Variants in GPA33 observed in about 807,000 individuals in gnomAD.
The protein encoded by GPA33 is glycoprotein A33, also known as cell surface A33 antigen.
GPA33 carries 27 observed loss-of-function variants against 35.6 expected under a neutral mutation model. The ratio of observed to expected loss-of-function variants is 0.76; its 90% CI spans 0.56 to 1.04. The LOEUF (loss-of-function observed/expected upper bound fraction) is 1.04. GPA33 is among the 50% of genes least tolerant of loss of function. The pLI is 0.00. For missense variants in GPA33, 428 were observed against 411.9 expected, an observed-to-expected ratio of 1.04 and a Z score of -0.34; for synonymous variants, 176 against 164.0, an observed-to-expected ratio of 1.07 and a Z score of -0.56.
intron 2 of GPA33, 81 bp downstream of exon 2, chr1:167,073,304 C>A: frequency 8.3e-7 from 1 of 1,198,986 alleles, no homozygotes; most frequent in Non-Finnish European, 1.2e-6. Context: ...TATGGAAAGA[C>A]TTCATAGTGC....
chr1:167,061,141 A>G (rs1666430173), intron 4 of GPA33, among the ~76,000 whole-genome samples: 1 of 152,252 alleles, frequency 6.6e-6, no homozygotes, highest in Admixed American at 6.5e-5. Flanking sequence ...CATACAGCTA[A>G]CAAGTGTCCG....
rs1196005778 is a variant in GPA33 at position 167,069,105 on chromosome 1, T to C, written c.232A>G (p.Asn78Asp). Reference protein sequence around the residue: ...RVVIWPFSNKNYIHGELYKNR... With the variant: ...RVVIWPFSNKDYIHGELYKNR... ...TTATAAAGCTCACCATGGATGTAGT[T>C]TTTGTTTGAAAACGGCCAGATGACC... is the stretch of plus-strand genomic sequence containing the variant. Residue 78 changes from asparagine to aspartate, a missense_variant, in exon 3 of 7, where the codon AAC (asparagine) becomes GAC (aspartate). Physicochemically the swap from Asn to Asp is conservative, Grantham distance 23 (BLOSUM62 1). Coordinates refer to ENST00000367868, the MANE Select transcript of GPA33 (RefSeq NM_005814.3). The C allele has an allele frequency of 6.2e-7, 1 of 1,613,988 alleles. No homozygotes were observed. The highest frequency in any genetic ancestry group is 1.7e-5 in the Admixed American group (1 of 60,008).
chr1:167,076,675 G>A (rs55874020), intron 1 of GPA33, among the ~76,000 whole-genome samples: 10,382 of 152,118 alleles, frequency 0.068, 801 homozygotes, highest in African/African-American at 0.19. Context: ...TATAATATCC[G>A]GGAGTATTGG....
rs1238922039 is a variant in GPA33 at position 167,052,999 on chromosome 1, T to C, written c.*1335A>G. On this transcript the variant is annotated 3_prime_UTR_variant, in exon 7 of 7. Transcript: ENST00000367868. The stretch of plus-strand genomic sequence containing the variant: ...TCCAGAAAAGATAGCAATAGTAAAC[T>C]GCAGTTGGGTGAGACCAGCCACTGG... 1.3e-5 allele frequency: 2 copies of C among 152,142 alleles called. No individual in the cohort carries two copies. The highest frequency in any genetic ancestry group is 2.9e-5 in the Non-Finnish European group (2 of 68,022). 9.4% of individuals were successfully genotyped at this position (152,142 alleles called of 1,614,324 possible). A position where few individuals can be genotyped will look rare whatever the true frequency, so the allele number is the denominator to read the frequency against.
chr1:167,068,808 G>C, intron 3 of GPA33, 114 bp downstream of exon 3: 1 of 720,864 alleles, frequency 1.4e-6, no homozygotes, highest in Non-Finnish European at 2.4e-6. Flanking sequence ...GAGGTGAGGA[G>C]TCTTAGCTCC....
At chr1:167,055,991 G>T in intron 4 of GPA33, 142 bp from the exon 5 acceptor site, 1 of 753,840 alleles carries the variant, frequency 1.3e-6, no homozygotes, top group Non-Finnish European at 2.2e-6. Flanking sequence ...CACCTCCAGG[G>T]CTGCAGGACG....
chr1:167,055,583 C>A, intron 5 of GPA33, 147 bp downstream of exon 5: 1 of 832,302 alleles, frequency 1.2e-6, no homozygotes. Context: ...CAGAGTCATC[C>A]TGCCTAGGTC....
rs966517693 is a variant in GPA33 at position 167,087,858 on chromosome 1, G to A, written c.43+2387C>T. Among the ~76,000 whole-genome samples, 8 of 150,328 alleles carry A rather than the reference G, an allele frequency of 5.3e-5. No individual in the cohort carries two copies. In the South Asian group the frequency reaches 1.7e-3, roughly 31 times the overall value. On this transcript the variant is annotated intron_variant, in intron 1 of 6. Coordinates refer to ENST00000367868, the MANE Select transcript of GPA33 (RefSeq NM_005814.3). ...TTGAACCTGGGAGGCGGAGGTTGCA[G>A]TGAGCTGAGATCACACCACTGCACT...
intron 1 of GPA33, among the ~76,000 whole-genome samples, chr1:167,076,511 C>A (rs1160715517): frequency 6.6e-6 from 1 of 152,176 alleles, no homozygotes; most frequent in African/African-American, 2.4e-5. Context: ...TGGATTAACA[C>A]ACTTCTCTTT....
rs1218370678 is a variant in GPA33 at position 167,054,358 on chromosome 1, T to C, written c.936A>G (p.Glu312=). ...RQEEQRSTGR[E]SPDHLDQ ...GTCACTGGTCGAGGTGGTCCGGGGA[T>C]TCACGCCCAGTGCTCCTCTGCTCTT... Residue 312 remains glutamate (E), a synonymous_variant, in exon 7 of 7, where the codon GAA becomes GAG. Coordinates refer to ENST00000367868, the MANE Select transcript of GPA33 (RefSeq NM_005814.3). The C allele has an allele frequency of 6.2e-7, 1 of 1,614,050 alleles. No individual in the cohort carries two copies. The highest frequency in any genetic ancestry group is 1.1e-5 in the South Asian group (1 of 91,082).
intron 1 of GPA33, chr1:167,082,392 T>G (rs757239281): frequency 1.8e-5 from 8 of 442,370 alleles, no homozygotes; most frequent in African/African-American, 4.0e-5. Flanking sequence ...GCAGCCTATT[T>G]TGTCAGGAGC....
intron 2 of GPA33, among the ~76,000 whole-genome samples, chr1:167,071,286 T>C (rs1331658884): frequency 3.3e-5 from 5 of 152,072 alleles, no homozygotes; most frequent in African/African-American, 1.2e-4. Flanking sequence ...TAATGAGAGA[T>C]GAAATAAGAT....
At position 167,073,556 on chromosome 1, in the gene GPA33, C is replaced by T. The variant is rs568864437; in HGVS notation, c.44-17G>A. The T allele has an allele frequency of 3.1e-6, 5 of 1,610,670 alleles. No individual in the cohort carries two copies. The highest frequency in any genetic ancestry group is 2.2e-5 in the South Asian group (2 of 90,638). On this transcript the variant is annotated splice_polypyrimidine_tract_variant and intron_variant, in intron 1 of 6. Coordinates refer to ENST00000367868, the MANE Select transcript of GPA33 (RefSeq NM_005814.3). Reference sequence around the variant, plus strand: ...TCACCCTGACTGGAAAGAAAGTAGGCAGTGGAAGGGAAAAGTAAGCGACAC... The same window carrying T: ...TCACCCTGACTGGAAAGAAAGTAGGTAGTGGAAGGGAAAAGTAAGCGACAC...
intron 1 of GPA33, among the ~76,000 whole-genome samples, chr1:167,089,368 T>G (rs928452061): frequency 1.3e-5 from 2 of 152,180 alleles, no homozygotes; most frequent in African/African-American, 4.8e-5. Context: ...TCCTCCCCGT[T>G]GCAGCTGGAT....
At chr1:167,062,582 G>C (rs1270647584) in intron 4 of GPA33, among the ~76,000 whole-genome samples, 2 of 149,480 alleles carry the variant, frequency 1.3e-5, no homozygotes, top group Non-Finnish European at 3.0e-5. Context: ...GACTCCACCA[G>C]GGTATTTCCA....
intron 3 of GPA33, among the ~76,000 whole-genome samples, chr1:167,066,177 C>A (rs968478811): frequency 6.6e-6 from 1 of 152,174 alleles, no homozygotes; most frequent in Non-Finnish European, 1.5e-5. Flanking sequence ...CAGGTGTCCC[C>A]AAAGTCACAC....
chr1:167,067,829 C>A (rs1666633125), intron 3 of GPA33, among the ~76,000 whole-genome samples: 1 of 151,830 alleles, frequency 6.6e-6, no homozygotes. Flanking sequence ...TAACATGATT[C>A]CATTTTTTTT....
intron 1 of GPA33, among the ~76,000 whole-genome samples, chr1:167,079,265 G>T (rs1020601460): frequency 4.6e-5 from 7 of 152,128 alleles, no homozygotes; most frequent in African/African-American, 1.7e-4. Context: ...GGCTAAGGCG[G>T]GCGGATTGCC....
chr1:167,056,596 T>TGGTGTGGGGGGC (rs1666265686), intron 4 of GPA33, among the ~76,000 whole-genome samples: 2 of 50,236 alleles, frequency 4.0e-5, no homozygotes, highest in Non-Finnish European at 9.4e-5. Flanking sequence ...GGTATGTGTG[T>TGGTGTGGGGGGC]ATGTGGTGTG....
Sources: gnomAD v4.1 joint callset for allele counts (sites outside exome capture counted in the v4.1 genomes callset) on GRCh38, gnomAD v4.1.1 for gene constraint, MANE v1.5 for transcripts, NCBI Gene and HGNC (gene_info 2026-07-23, HGNC 2026-07-21) for gene names.